The following STAG2 variants were observed in gnomAD, a reference collection of about 807,000 sequenced individuals.
STAG2 encodes cohesin subunit SA-2.
Under a neutral mutation model 108.1 loss-of-function variants are expected in STAG2, and 14 were observed. The observed-to-expected ratio is 0.13, with a 90% CI of 0.09 to 0.20. The LOEUF (loss-of-function observed/expected upper bound fraction) is 0.20. Among genes scored for constraint, STAG2 ranks in the 10% least tolerant of loss-of-function variants. STAG2 has a pLI of 1.00. For missense variants in STAG2, 440 were observed against 940.9 expected (o/e 0.47, Z 6.96); for synonymous variants, 307 against 302.7 (o/e 1.01, Z -0.15).
chrX:124,026,704 A>G lies in STAG2; in HGVS notation c.123+786A>G, dbSNP rs1307749514. 1.7e-5 allele frequency: 3 copies of G among 180,037 alleles called. No individual in the cohort carries two copies. In the East Asian group the frequency reaches 4.3e-4, roughly 26 times the overall value. 14.8% of individuals were successfully genotyped at this position (180,037 alleles called of 1,213,427 possible). A position where few individuals can be genotyped will look rare whatever the true frequency, so the allele number is the denominator to read the frequency against. The stretch of plus-strand genomic sequence containing the variant: ...CACCTGGAGGTAATTTATTCTTTAA[A>G]CATTTTGATGCACATACTTCTATTC... On this transcript the variant is annotated intron_variant, in intron 4 of 34. Coordinates refer to ENST00000371145, the MANE Select transcript of STAG2 (RefSeq NM_001042750.2).
chrX:124,009,032 T>C (rs1441875871), intron 1 of STAG2, among the ~76,000 whole-genome samples: 3 of 111,702 alleles, frequency 2.7e-5, no homozygotes, highest in African/African-American at 9.7e-5. Context: ...TTCTCTGTAG[T>C]AGAGTGTACT....
At chrX:124,093,472 C>CTTTTTT (rs56165276) in intron 32 of STAG2, among the ~76,000 whole-genome samples, 1 of 82,311 alleles carries the variant, frequency 1.2e-5, no homozygotes, top group East Asian at 3.8e-4. Context: ...TCTTATTCAT[C>CTTTTTT]TTTTTTTTTT....
rs371860898 is a variant in STAG2, at chrX:124,064,934, A to C, written c.2025+883A>C. Reference sequence around the variant, plus strand: ...ACATTCAGTTTTTTTGATTAAAATAAAAATTCATAATTGTCAAATTAATGC... The same window carrying C: ...ACATTCAGTTTTTTTGATTAAAATACAAATTCATAATTGTCAAATTAATGC... On this transcript the variant is annotated intron_variant, in intron 20 of 34. Coordinates refer to ENST00000371145, the MANE Select transcript of STAG2 (RefSeq NM_001042750.2). Among the ~76,000 whole-genome samples, 16 of 111,651 alleles carry C rather than the reference A, an allele frequency of 1.4e-4. No homozygotes were observed. In the South Asian group the frequency reaches 4.8e-3, roughly 34 times the overall value.
At chrX:123,977,231 A>G (rs1428134868) in intron 1 of STAG2, among the ~76,000 whole-genome samples, 1 of 112,322 alleles carries the variant, frequency 8.9e-6, no homozygotes, top group Admixed American at 9.5e-5. Context: ...GAGTAAAGTG[A>G]CATCTGAATT....
chrX:123,976,525 T>G (rs1050793380), intron 1 of STAG2, among the ~76,000 whole-genome samples: 3 of 110,994 alleles, frequency 2.7e-5, no homozygotes, highest in Non-Finnish European at 5.7e-5. Flanking sequence ...AAACCTTCGT[T>G]TTTTTTTAAA....
intron 1 of STAG2, among the ~76,000 whole-genome samples, chrX:123,982,459 T>C (rs1291467081): frequency 8.9e-6 from 1 of 112,105 alleles, no homozygotes; most frequent in Admixed American, 9.5e-5. Flanking sequence ...ACTGCAACTT[T>C]CGCACCACTG....
intron 33 of STAG2, 152 bp from the exon 34 acceptor site, chrX:124,095,220 C>G (rs749898103): frequency 2.1e-6 from 1 of 484,439 alleles, no homozygotes; most frequent in African/African-American, 2.4e-5. Context: ...AGCCACCGCA[C>G]CCGGCTGATA....
In STAG2 at chrX:123,996,469, A is replaced by T. The variant is rs533817339; in HGVS notation, c.-162-24898A>T. Among the ~76,000 whole-genome samples, 16 of 111,975 alleles carry T rather than the reference A, an allele frequency of 1.4e-4. No homozygotes were observed. The Middle Eastern group carries it at 0.018, about 129-fold the overall frequency. ...TTTGACAAATGTATACAGTTGTCTA[A>T]CCATCACTACAATTAAGATATAGAT... is the stretch of plus-strand genomic sequence containing the variant. On this transcript the variant is annotated intron_variant, in intron 1 of 34. Coordinates refer to ENST00000371145, the MANE Select transcript of STAG2 (RefSeq NM_001042750.2).
At chrX:124,068,062 A>C (rs1304627469) in intron 23 of STAG2, among the ~76,000 whole-genome samples, 1 of 111,177 alleles carries the variant, frequency 9.0e-6, no homozygotes, top group Non-Finnish European at 1.9e-5. Context: ...TAAAAATAAA[A>C]AGTTTGAGAT....
At chrX:124,049,385 G>A (rs1399917199) in intron 10 of STAG2, among the ~76,000 whole-genome samples, 10 of 111,896 alleles carry the variant, frequency 8.9e-5, no homozygotes, top group Non-Finnish European at 1.9e-4. Context: ...GAGCCTGCAC[G>A]TGCTGACTCC....
chrX:124,060,406 G>C (rs991454880), intron 15 of STAG2, among the ~76,000 whole-genome samples: 2 of 112,433 alleles, frequency 1.8e-5, no homozygotes, highest in Non-Finnish European at 3.8e-5. Flanking sequence ...GATTACAGGC[G>C]TGAGCCACCA....
rs142406640 is a variant in STAG2 at position 124,097,970 on chromosome X, A to G, written c.3783+2521A>G. ...TCACCATTTTTTAATGTATTTGTCT[A>G]ATGTCAGGAGAACTTTTAACATTCG... is the stretch of plus-strand genomic sequence containing the variant. On this transcript the variant is annotated intron_variant, in intron 34 of 34. Coordinates refer to ENST00000371145, the MANE Select transcript of STAG2 (RefSeq NM_001042750.2). Among the ~76,000 whole-genome samples, 379 of 109,797 alleles carry G rather than the reference A, an allele frequency of 3.5e-3. 1 individual carries two copies. The highest frequency in any genetic ancestry group is 0.012 in the African/African-American group (351 of 30,211).
chrX:124,005,642 T>C (rs2147873063), intron 1 of STAG2, among the ~76,000 whole-genome samples: 1 of 112,413 alleles, frequency 8.9e-6, no homozygotes, highest in Admixed American at 9.5e-5. Context: ...CATGTTGTTA[T>C]ATTTCAGTAA....
chrX:124,012,493 A>G (rs1326577702), intron 1 of STAG2, among the ~76,000 whole-genome samples: 1 of 112,127 alleles, frequency 8.9e-6, no homozygotes, highest in Non-Finnish European at 1.9e-5. Context: ...ATGAAAGCAT[A>G]TTTGATTTCT....
intron 32 of STAG2, among the ~76,000 whole-genome samples, chrX:124,091,596 C>T (rs2059252485): frequency 8.9e-6 from 1 of 112,055 alleles, no homozygotes; most frequent in South Asian, 3.6e-4. Context: ...CATAAAAGAA[C>T]AAGCTCAGGT....
chrX:124,087,489 A>G (rs1231180641), intron 30 of STAG2, among the ~76,000 whole-genome samples: 2 of 111,827 alleles, frequency 1.8e-5, no homozygotes, highest in African/African-American at 3.2e-5. Flanking sequence ...TGGTGGCTGA[A>G]ATCATACGGA....
rs2057318233 is a variant in STAG2, at chrX:124,031,102, A to C, written c.265A>C (p.Lys89Gln). 8.3e-7 allele frequency: 1 copy of C among 1,207,358 alleles called. No homozygotes were observed. Among genetic ancestry groups the C allele is most frequent in the African/African-American group, 1.7e-5 (1 of 57,190 alleles). The change falls in exon 5 of 35, where the codon AAA (lysine) becomes CAA (glutamine). Residue 89 changes from lysine (K) to glutamine (Q), a missense_variant. Physicochemically the swap from Lys to Gln is moderately conservative, Grantham distance 53. This residue lies in a region of STAG2 where 69 missense variants were observed against 254.9 expected (regional missense o/e 0.27). Coordinates refer to ENST00000371145, the MANE Select transcript of STAG2 (RefSeq NM_001042750.2). ...AAACATGATGTTGTTTGAAGTTGTT[A>C]AAATGGGCAAGAGTGCTATGCAGGT... is the stretch of plus-strand genomic sequence containing the variant. The part of the protein sequence containing the change: ...VENMMLFEVV[K>Q]MGKSAMQSVV...
Position 124,042,650 on chromosome X carries a change from C to T in STAG2, c.462+5C>T. ...ATGACTGAAGAATTCGATGAGGTAACTTACTACCTTAAGTGTTTTGATAAC... is the reference window on the plus strand; with the variant it reads ...ATGACTGAAGAATTCGATGAGGTAATTTACTACCTTAAGTGTTTTGATAAC... On this transcript the variant is annotated splice_donor_5th_base_variant and intron_variant, in intron 7 of 34. Coordinates refer to ENST00000371145, the MANE Select transcript of STAG2 (RefSeq NM_001042750.2). The T allele has an allele frequency of 1.2e-5, 13 of 1,118,227 alleles. No individual in the cohort carries two copies. The highest frequency in any genetic ancestry group is 1.6e-5 in the Non-Finnish European group (13 of 811,074). The allele number at this position is 1,118,227 out of a possible 1,213,427, so 92.2% of individuals were successfully genotyped here.
Position 124,019,913 on chromosome X carries a change from G to A in STAG2, c.-162-1454G>A, listed in dbSNP as rs183726257. On this transcript the variant is annotated intron_variant, in intron 1 of 34. Transcript: ENST00000371145. ...TGATTGCGCCACTGCACTCCAGTGC[G>A]GGTGACAGAGTAAGACCTTGTCTGT... 8.0e-5 allele frequency among the ~76,000 whole-genome samples: 9 copies of A among 112,469 alleles called. No homozygotes were observed. The South Asian group carries it at 2.9e-3, about 36-fold the overall frequency.
Sources: allele counts gnomAD v4.1 joint callset (sites outside exome capture counted in the v4.1 genomes callset), GRCh38; gene constraint gnomAD v4.1.1; regional missense constraint gnomAD v4.1.1; transcripts MANE v1.5; gene names NCBI Gene and HGNC (gene_info 2026-07-23, HGNC 2026-07-21).